The following EIF2B1 variants were observed in gnomAD, a reference collection of about 807,000 sequenced individuals.
EIF2B1 encodes eukaryotic translation initiation factor 2B subunit alpha.
EIF2B1 carries 30 observed loss-of-function variants against 36.8 expected under a neutral mutation model. The observed-to-expected ratio is 0.81, with a 90% CI of 0.61 to 1.10. The LOEUF (loss-of-function observed/expected upper bound fraction) is 1.10, where lower values mean the gene tolerates loss of function less well. EIF2B1 is among the 50% of genes least tolerant of loss of function. EIF2B1 has a pLI of 0.00. For synonymous variants in EIF2B1, 139 were observed against 142.2 expected (o/e 0.98, Z 0.16); for missense variants, 271 against 374.8 (o/e 0.72, Z 2.29).
intron 2 of EIF2B1, among the ~76,000 whole-genome samples, chr12:123,631,738 C>T (rs569547921): frequency 6.2e-4 from 94 of 151,532 alleles, no homozygotes; most frequent in African/African-American, 2.2e-3. Context: ...ACCTGGGAAG[C>T]GGAGCCTGCA....
intron 5 of EIF2B1, chr12:123,626,825 A>G (rs1301154699): frequency 2.9e-6 from 2 of 698,544 alleles, no homozygotes; most frequent in Non-Finnish European, 5.2e-6. Flanking sequence ...CTGCTCTTCC[A>G]CGGAGTTAAC....
At position 123,621,833 on chromosome 12, in the gene EIF2B1, T is replaced by C. The variant is rs1175513745; in HGVS notation, c.841A>G (p.Ile281Val). ...CCCAGGTCTGTAAACAGCAGAGTGATTAAGGAAGGGGCAGTGTAGTCGACC... is the reference window on the plus strand; with the variant it reads ...CCCAGGTCTGTAAACAGCAGAGTGACTAAGGAAGGGGCAGTGTAGTCGACC... ...PWVDYTAPSL[I>V]TLLFTDLGVL... The change falls in exon 9 of 9, where the codon ATC (isoleucine) becomes GTC (valine). Residue 281 changes from isoleucine to valine, a missense_variant. Physicochemically the swap from Ile to Val is conservative, Grantham distance 29 (BLOSUM62 3). Transcript: ENST00000424014. 6.2e-7 allele frequency: 1 copy of C among 1,614,016 alleles called. No homozygotes were observed. Among genetic ancestry groups the C allele is most frequent in the Non-Finnish European group, 8.5e-7 (1 of 1,180,008 alleles).
At chr12:123,627,699 A>C (rs891809193) in intron 4 of EIF2B1, among the ~76,000 whole-genome samples, 2 of 152,154 alleles carry the variant, frequency 1.3e-5, no homozygotes, top group African/African-American at 4.8e-5. Context: ...ATAACAACAA[A>C]AAAAATTAGC....
intron 6 of EIF2B1, chr12:123,626,152 A>C (rs1445905029): frequency 4.3e-6 from 2 of 470,224 alleles, no homozygotes; most frequent in African/African-American, 2.0e-5. Context: ...AAAAACAAAC[A>C]AACAAAAACA....
At chr12:123,624,266 T>TC (rs1955131399) in intron 7 of EIF2B1, among the ~76,000 whole-genome samples, 1 of 149,198 alleles carries the variant, frequency 6.7e-6, no homozygotes, top group African/African-American at 2.4e-5. Context: ...CTTTTTTTTT[T>TC]TTTTTTTTTA....
intron 5 of EIF2B1, 123 bp from the exon 6 acceptor site, chr12:123,626,616 C>CAG (rs994604725): frequency 1.2e-5 from 13 of 1,116,866 alleles, no homozygotes; most frequent in Non-Finnish European, 1.7e-5. Flanking sequence ...GGTTAAGGGG[C>CAG]AGATCCCAAT....
intron 2 of EIF2B1, among the ~76,000 whole-genome samples, chr12:123,631,288 A>C (rs1955184727): frequency 6.6e-6 from 1 of 152,346 alleles, no homozygotes; most frequent in Middle Eastern, 3.4e-3. Flanking sequence ...GAAAGGTCTG[A>C]AATGAAGGCA....
Position 123,633,554 on chromosome 12 carries a change from C to T in EIF2B1, c.4G>A (p.Asp2Asn). M[D>N]DKELIEYFKS... is the part of the protein sequence containing the mutation. ...GCCTGTCTTGATTTACCCTTGTCGT[C>T]CATGGCGTCCTCCTGCTGCGGAGCC... Residue 2 changes from aspartate to asparagine, a missense_variant, in exon 1 of 9, where the codon GAC becomes AAC. Transcript: ENST00000424014. 1 of 1,612,856 alleles carries T rather than the reference C, an allele frequency of 6.2e-7. No individual in the cohort carries two copies. The highest frequency in any genetic ancestry group is 1.7e-5 in the Admixed American group (1 of 60,032).
intron 4 of EIF2B1, 60 bp from the exon 5 acceptor site, chr12:123,627,216 T>G (rs896345569): frequency 4.5e-6 from 6 of 1,320,724 alleles, no homozygotes; most frequent in Middle Eastern, 2.4e-4. Context: ...TCACACCCTC[T>G]GCACTGCGGC....
chr12:123,629,555 A>G (rs1436183621), intron 4 of EIF2B1, among the ~76,000 whole-genome samples: 2 of 152,184 alleles, frequency 1.3e-5, no homozygotes, highest in African/African-American at 4.8e-5. Flanking sequence ...GCACTTTGGG[A>G]GGCCGAAGCG....
intron 1 of EIF2B1, 35 bp downstream of exon 1, chr12:123,633,510 C>G: frequency 1.2e-6 from 2 of 1,613,860 alleles, no homozygotes; most frequent in Non-Finnish European, 1.7e-6. Context: ...AACGGCGCTG[C>G]TGTAGCCTAG....
intron 4 of EIF2B1, among the ~76,000 whole-genome samples, chr12:123,628,366 T>G: frequency 7.3e-6 from 1 of 136,774 alleles, no homozygotes; most frequent in Non-Finnish European, 1.5e-5. Flanking sequence ...TTTTTTTTTT[T>G]TTTTTTTTTT....
Position 123,621,300 on chromosome 12 carries a change from C to G in EIF2B1, c.*456G>C. The G allele has an allele frequency of 3.9e-6, 1 of 258,746 alleles. No individual in the cohort carries two copies. The highest frequency in any genetic ancestry group is 5.0e-5 in the Admixed American group (1 of 19,802). 16.0% of individuals were successfully genotyped at this position (258,746 alleles called of 1,614,324 possible). On this transcript the variant is annotated 3_prime_UTR_variant, in exon 9 of 9. Coordinates refer to ENST00000424014, the MANE Select transcript of EIF2B1 (RefSeq NM_001414.4). Reference sequence around the variant, plus strand: ...TACCACTGGAAGCCAGATGCAGATTCAGCAAGTGTTTCTTGCCTCTTACAA... The same window carrying G: ...TACCACTGGAAGCCAGATGCAGATTGAGCAAGTGTTTCTTGCCTCTTACAA...
chr12:123,630,716 G>A lies in EIF2B1; in HGVS notation c.116-183C>T, dbSNP rs1955181211. On this transcript the variant is annotated intron_variant, in intron 2 of 8. Coordinates refer to ENST00000424014, the MANE Select transcript of EIF2B1 (RefSeq NM_001414.4). The surrounding 1 kb of genome is among the most constrained non-coding windows in gnomAD (Gnocchi z 4.6). ...TAGGGTTCTGCTGTGATGGAGTTTTGATTGTAATAGAGGAAGCGGATAGTA... is the reference window on the plus strand; with the variant it reads ...TAGGGTTCTGCTGTGATGGAGTTTTAATTGTAATAGAGGAAGCGGATAGTA... Among the ~76,000 whole-genome samples, 3 of 152,232 alleles carry A rather than the reference G, an allele frequency of 2.0e-5. No homozygotes were observed. Among genetic ancestry groups the A allele is most frequent in the African/African-American group, 4.8e-5 (2 of 41,462 alleles).
intron 4 of EIF2B1, among the ~76,000 whole-genome samples, chr12:123,628,261 A>G (rs1403783157): frequency 6.7e-6 from 1 of 148,876 alleles, no homozygotes; most frequent in Non-Finnish European, 1.5e-5. Context: ...CTCTCTCCCT[A>G]TGTTGCTCAG....
chr12:123,633,328 CGTAT>C (rs2135769681), intron 1 of EIF2B1, among the ~76,000 whole-genome samples: 1 of 151,356 alleles, frequency 6.6e-6, no homozygotes, highest in African/African-American at 2.4e-5. Context: ...TGGGAAGGAG[CGTAT>C]GTGTGGGAGG....
At chr12:123,624,106 TATAAATA>T in intron 7 of EIF2B1, among the ~76,000 whole-genome samples, 1 of 149,092 alleles carries the variant, frequency 6.7e-6, no homozygotes, top group East Asian at 1.9e-4. Flanking sequence ...TATGTAAATA[TATAAATA>T]ATATTTTAAA....
intron 8 of EIF2B1, among the ~76,000 whole-genome samples, chr12:123,622,416 G>T (rs1357758232): frequency 6.6e-6 from 1 of 152,124 alleles, no homozygotes; most frequent in African/African-American, 2.4e-5. Flanking sequence ...ACCAGCTTCG[G>T]GCTTCCTCTC....
intron 6 of EIF2B1, 143 bp from the exon 7 acceptor site, chr12:123,625,005 G>A (rs565127176): frequency 9.7e-6 from 7 of 718,542 alleles, no homozygotes; most frequent in Middle Eastern, 3.6e-4. Context: ...CTTAACACGC[G>A]ATAGACCCCT....
Sources: gnomAD v4.1 joint callset for allele counts (sites outside exome capture counted in the v4.1 genomes callset) on GRCh38, gnomAD v4.1.1 for gene constraint, Gnocchi (gnomAD v3.1) non-coding constraint, MANE v1.5 for transcripts, NCBI Gene and HGNC (gene_info 2026-07-23, HGNC 2026-07-21) for gene names.